Variants in NSUN4 observed in about 807,000 individuals in gnomAD.
The protein encoded by NSUN4 is 5-cytosine rRNA methyltransferase NSUN4.
NSUN4 carries 31 observed loss-of-function variants against 43.8 expected under a neutral mutation model. The observed-to-expected ratio is 0.71, with a 90% CI of 0.53 to 0.96. NSUN4 has a LOEUF of 0.96. Among genes scored for constraint, NSUN4 ranks in the 40% least tolerant of loss-of-function variants. NSUN4 has a pLI of 0.00. For synonymous variants in NSUN4, 167 were observed against 184.1 expected (o/e 0.91, Z 0.75); for missense variants, 439 against 475.6 (o/e 0.92, Z 0.72).
At chr1:46,342,706 G>A (rs1162700463) in intron 1 of NSUN4, 4 of 396,460 alleles carry the variant, frequency 1.0e-5, no homozygotes, top group Admixed American at 4.5e-5. Context: ...TCACTTCCCC[G>A]CAGAAGCTAT....
downstream of NSUN4, among the ~76,000 whole-genome samples, chr1:46,366,940 TGGTTTTCACCTTTTAGGAGTCA>T (rs983066984): frequency 1.2e-3 from 188 of 152,292 alleles, 1 homozygote; most frequent in African/African-American, 4.1e-3. Context: ...CTTGGATCTA[TGGTTTTCACCTTTTAGGAGTCA>T]CAAATCTGTT....
chr1:46,380,236 GC>G, the NSUN4 span, among the ~76,000 whole-genome samples: 27 of 152,294 alleles, frequency 1.8e-4, no homozygotes, highest in South Asian at 5.6e-3. Flanking sequence ...CCACTCAACA[GC>G]TGAAGACACA....
intron 4 of NSUN4, among the ~76,000 whole-genome samples, chr1:46,356,456 G>A (rs1663374952): frequency 6.6e-6 from 1 of 152,186 alleles, no homozygotes; most frequent in Non-Finnish European, 1.5e-5. Flanking sequence ...ACTTTGGGAG[G>A]CCAAGGCGGG....
chr1:46,340,981 G>T, intron 1 of NSUN4, 62 bp downstream of exon 1: 1 of 1,449,302 alleles, frequency 6.9e-7, no homozygotes, highest in Non-Finnish European at 9.4e-7. Flanking sequence ...CAGTCTTTCC[G>T]TTTCCCGGCC....
intron 4 of NSUN4, among the ~76,000 whole-genome samples, chr1:46,354,505 T>C (rs748128094): frequency 2.6e-4 from 40 of 152,182 alleles, no homozygotes; most frequent in Non-Finnish European, 5.3e-4. Flanking sequence ...ATAGCTGTTG[T>C]CTCTGTGTTG....
At chr1:46,349,315 T>TAC (rs1662803260) in intron 3 of NSUN4, among the ~76,000 whole-genome samples, 1 of 151,914 alleles carries the variant, frequency 6.6e-6, no homozygotes, top group Non-Finnish European at 1.5e-5. Context: ...AATTTTTTTG[T>TAC]ATTTTTAGTA....
intron 4 of NSUN4, among the ~76,000 whole-genome samples, chr1:46,358,238 G>C (rs1663527755): frequency 6.6e-6 from 1 of 151,976 alleles, no homozygotes; most frequent in African/African-American, 2.4e-5. Flanking sequence ...TGGGATTACA[G>C]GTGCCCACCA....
rs369724414 is a variant in NSUN4 at position 46,352,864 on chromosome 1, A to T, written c.593-4A>T. 2.5e-6 allele frequency: 4 copies of T among 1,613,822 alleles called. No homozygotes were observed. In the African/African-American group the frequency reaches 5.3e-5, roughly 22 times the overall value. ...TGGCCTCTGAAGTATCTTTATTTCC[A>T]TAGGCAATCTTGCTGCCAATGATCT... On this transcript the variant is annotated splice_region_variant and splice_polypyrimidine_tract_variant and intron_variant, in intron 3 of 5. Coordinates refer to ENST00000474844, the MANE Select transcript of NSUN4 (RefSeq NM_199044.4).
At chr1:46,367,468 T>G (rs1054424924), downstream of NSUN4, among the ~76,000 whole-genome samples, 1 of 152,202 alleles carries the variant, frequency 6.6e-6, no homozygotes, top group Non-Finnish European at 1.5e-5. Flanking sequence ...ATTTGAACAT[T>G]TTCATCCATT....
the NSUN4 span, among the ~76,000 whole-genome samples, chr1:46,382,375 C>A: frequency 6.6e-6 from 1 of 152,222 alleles, no homozygotes; most frequent in Non-Finnish European, 1.5e-5. Context: ...ACATTCTAAA[C>A]TTTTACGACC....
At chr1:46,353,777 G>A (rs1016850344) in intron 4 of NSUN4, among the ~76,000 whole-genome samples, 27 of 142,774 alleles carry the variant, frequency 1.9e-4, no homozygotes, top group Non-Finnish European at 2.6e-4. Context: ...GCGCCCAGCC[G>A]GTAGTATATT....
chr1:46,378,727 G>A, the NSUN4 span, among the ~76,000 whole-genome samples: 13 of 152,204 alleles, frequency 8.5e-5, no homozygotes, highest in African/African-American at 2.9e-4. Context: ...GGGTGGTTCC[G>A]CTGACCTTAG....
chr1:46,352,624 A>AT (rs1663082323), intron 3 of NSUN4, among the ~76,000 whole-genome samples: 1 of 152,004 alleles, frequency 6.6e-6, no homozygotes, highest in Admixed American at 6.6e-5. Flanking sequence ...AAAGGAAAGG[A>AT]GTCTTACTTG....
chr1:46,380,497 C>G, the NSUN4 span, among the ~76,000 whole-genome samples: 2 of 152,194 alleles, frequency 1.3e-5, no homozygotes, highest in African/African-American at 2.4e-5. Context: ...CTCTCCCAAC[C>G]CTCCTCCATA....
At chr1:46,377,759 A>G in the NSUN4 span, among the ~76,000 whole-genome samples, 1 of 152,216 alleles carries the variant, frequency 6.6e-6, no homozygotes, top group Non-Finnish European at 1.5e-5. Context: ...GCATTTCCCG[A>G]ACATTAAGTC....
intron 1 of NSUN4, chr1:46,341,244 T>G: frequency 1.0e-6 from 1 of 999,122 alleles, no homozygotes; most frequent in Non-Finnish European, 1.2e-6. Context: ...CTCCCCCTTT[T>G]ACTTCCCTCC....
intron 2 of NSUN4, 55 bp downstream of exon 2, chr1:46,345,199 T>A: frequency 7.7e-7 from 1 of 1,303,164 alleles, no homozygotes; most frequent in Non-Finnish European, 1.1e-6. Flanking sequence ...GAAGTAGACA[T>A]GTTGAGACCC....
the NSUN4 span, among the ~76,000 whole-genome samples, chr1:46,383,406 T>A: frequency 4.0e-5 from 6 of 151,478 alleles, no homozygotes; most frequent in African/African-American, 1.5e-4. Flanking sequence ...TAAAGAGGTC[T>A]GTGAACCCAA....
Position 46,347,064 on chromosome 1 carries a change from C to G in NSUN4, c.581C>G (p.Thr194Ser), listed in dbSNP as rs1356997476. Residue 194 changes from threonine to serine, a missense_variant, in exon 3 of 6, where the codon ACT becomes AGT. By Grantham distance (58) the Thr-to-Ser change is moderately conservative. Transcript: ENST00000474844. ...PGGKTLALLQ[T>S]GCCRNLAAND... ...GGAAAGACACTAGCGTTGCTTCAGA[C>G]TGGCTGTTGCCGTAAGTCAGGGTGC... 1 of 1,613,820 alleles carries G rather than the reference C, an allele frequency of 6.2e-7. No homozygotes were observed. Among genetic ancestry groups the G allele is most frequent in the South Asian group, 1.1e-5 (1 of 91,074 alleles).
Sources: gnomAD v4.1 joint callset for allele counts (sites outside exome capture counted in the v4.1 genomes callset) on GRCh38, gnomAD v4.1.1 for gene constraint, MANE v1.5 for transcripts, NCBI Gene and HGNC (gene_info 2026-07-23, HGNC 2026-07-21) for gene names.